BRINP1: variants seen among roughly 807,000 people sequenced by gnomAD.
BRINP1 encodes BMP/retinoic acid inducible neural specific 1, also known as BMP/retinoic acid-inducible neural-specific protein 1.
A neutral mutation model predicts 72.9 loss-of-function variants in BRINP1; 17 were observed. The ratio of observed to expected loss-of-function variants is 0.23; its 90% CI spans 0.16 to 0.35. The LOEUF is 0.35. Ranked by LOEUF, BRINP1 falls within the 10% of genes least tolerant of loss-of-function variation. The pLI is 1.00. For synonymous variants in BRINP1, 418 were observed against 378.5 expected (o/e 1.10, Z -1.21); for missense variants, 850 against 1,001.6 (o/e 0.85, Z 2.04).
rs370612685 is a variant in BRINP1 at position 119,238,785 on chromosome 9, G to A, written c.580-25C>T. 3.9e-5 allele frequency: 57 copies of A among 1,471,498 alleles called. No homozygotes were observed. In the African/African-American group the frequency reaches 7.8e-4, roughly 20 times the overall value. The allele number at this position is 1,471,498 out of a possible 1,614,324, so 91.2% of individuals were successfully genotyped here. A position where few individuals can be genotyped will look rare whatever the true frequency, so the allele number is the denominator to read the frequency against. ...CCTGCAGTAGATATCAAATAAGATA[G>A]GTGTGAGACAGCAGTCCTTGTCTAG... On this transcript the variant is annotated intron_variant, in intron 4 of 7. Coordinates refer to ENST00000265922, the MANE Select transcript of BRINP1 (RefSeq NM_014618.3).
At chr9:119,244,973 T>C (rs148283842) in intron 3 of BRINP1, among the ~76,000 whole-genome samples, 23 of 152,252 alleles carry the variant, frequency 1.5e-4, no homozygotes, top group African/African-American at 5.5e-4. Flanking sequence ...TGCTCCCAGA[T>C]AGGAGATGAG....
At position 119,338,716 on chromosome 9, in the gene BRINP1, CA is replaced by C. The variant is rs560291604; in HGVS notation, c.-50-25312del. Reference sequence around the variant, plus strand: ...TGAAACCCCATCTCTACTAAAAATACAAAAAAAAAAAAAAAAGAAGAAGAAG... The same window carrying C: ...TGAAACCCCATCTCTACTAAAAATACAAAAAAAAAAAAAAAGAAGAAGAAG... On this transcript the variant is annotated intron_variant, in intron 1 of 7. Coordinates refer to ENST00000265922, the MANE Select transcript of BRINP1 (RefSeq NM_014618.3). Among the ~76,000 whole-genome samples, 477 of 108,492 alleles carry C rather than the reference CA, an allele frequency of 4.4e-3. 1 individual carries two copies. Among genetic ancestry groups the C allele is most frequent in the Middle Eastern group, 0.022 (4 of 184 alleles). The allele number at this position is 108,492 out of a possible 152,430, so 71.2% of individuals were successfully genotyped here.
chr9:119,190,185 G>A (rs531153350), intron 7 of BRINP1, among the ~76,000 whole-genome samples: 1 of 151,838 alleles, frequency 6.6e-6, no homozygotes, highest in South Asian at 2.1e-4. Flanking sequence ...TTATCAGAGG[G>A]AGGCTTACAG....
intron 2 of BRINP1, among the ~76,000 whole-genome samples, chr9:119,250,107 AAGG>A (rs1830369736): frequency 2.5e-5 from 2 of 81,192 alleles, no homozygotes; most frequent in Non-Finnish European, 5.7e-5. Flanking sequence ...GAAGAAAAGG[AAGG>A]AGGGAGGGAG....
intron 2 of BRINP1, among the ~76,000 whole-genome samples, chr9:119,249,853 A>G (rs918483064): frequency 6.0e-5 from 3 of 49,934 alleles, no homozygotes; most frequent in Non-Finnish European, 1.0e-4. Flanking sequence ...GAAGGAAGGA[A>G]GGGAGGGAGG....
chr9:119,312,880 G>A (rs1012110106), intron 2 of BRINP1, among the ~76,000 whole-genome samples: 10 of 152,164 alleles, frequency 6.6e-5, no homozygotes, highest in African/African-American at 2.4e-4. Context: ...GTTTAAATGA[G>A]ATAATATATA....
intron 2 of BRINP1, among the ~76,000 whole-genome samples, chr9:119,272,768 C>CT (rs1424627835): frequency 3.9e-5 from 6 of 152,210 alleles, no homozygotes; most frequent in Admixed American, 3.9e-4. Context: ...ATCGCAGAGA[C>CT]TGACACTTTT....
At chr9:119,320,652 A>G (rs1484488117) in intron 1 of BRINP1, among the ~76,000 whole-genome samples, 3 of 152,188 alleles carry the variant, frequency 2.0e-5, no homozygotes, top group Admixed American at 1.3e-4. Context: ...AGACCTAAAG[A>G]AAGTAAAGAG....
intron 7 of BRINP1, among the ~76,000 whole-genome samples, chr9:119,189,741 GT>G (rs1415446369): frequency 1.3e-5 from 2 of 151,970 alleles, no homozygotes; most frequent in Non-Finnish European, 2.9e-5. Context: ...TTAACACCCT[GT>G]TTTCAACAAT....
At chr9:119,171,242 A>T (rs1266772028) in intron 7 of BRINP1, among the ~76,000 whole-genome samples, 1 of 147,612 alleles carries the variant, frequency 6.8e-6, no homozygotes, top group Non-Finnish European at 1.5e-5. Context: ...AACCCATCTC[A>T]TGTGCAGAGA....
intron 7 of BRINP1, among the ~76,000 whole-genome samples, chr9:119,173,527 G>T (rs1337227092): frequency 2.0e-5 from 3 of 152,166 alleles, no homozygotes; most frequent in Non-Finnish European, 2.9e-5. Flanking sequence ...TGGGTAGGAA[G>T]AATCAATATC....
chr9:119,283,296 G>A (rs893672419), intron 2 of BRINP1: 2 of 540,664 alleles, frequency 3.7e-6, no homozygotes, highest in East Asian at 1.5e-4. Flanking sequence ...CTCCAGCCCT[G>A]CCCCAGACAG....
intron 1 of BRINP1, among the ~76,000 whole-genome samples, chr9:119,363,042 T>C (rs185112810): frequency 1.2e-3 from 177 of 152,334 alleles, no homozygotes; most frequent in Middle Eastern, 6.8e-3. Flanking sequence ...CACTGGCAGG[T>C]AGTCCATCTC....
chr9:119,263,598 A>ATTTTTTT (rs1554752039), intron 2 of BRINP1, among the ~76,000 whole-genome samples: 1 of 51,724 alleles, frequency 1.9e-5, no homozygotes, highest in African/African-American at 6.0e-5. Context: ...CCAGTAAACA[A>ATTTTTTT]TTCTTTTTTT....
intron 7 of BRINP1, among the ~76,000 whole-genome samples, chr9:119,173,659 A>G (rs1402665608): frequency 6.8e-6 from 1 of 146,038 alleles, no homozygotes; most frequent in Non-Finnish European, 1.5e-5. Flanking sequence ...TTCATATGGA[A>G]CCAAAAAAGA....
chr9:119,214,617 C>T (rs2118877968), intron 5 of BRINP1, among the ~76,000 whole-genome samples: 1 of 151,404 alleles, frequency 6.6e-6, no homozygotes, highest in East Asian at 1.9e-4. Flanking sequence ...AATCCTTGCC[C>T]TTGGGGAGTT....
chr9:119,283,240 T>TTCAGCTGCC (rs1554753286), intron 2 of BRINP1: 118 of 940,738 alleles, frequency 1.3e-4, no homozygotes, highest in Non-Finnish European at 1.4e-4. Flanking sequence ...GAACTGCAGC[T>TTCAGCTGCC]TCAGCTGCCT....
chr9:119,369,005 C>T (rs1328693971), intron 1 of BRINP1, 51 bp downstream of exon 1: 10 of 392,972 alleles, frequency 2.5e-5, no homozygotes, highest in Non-Finnish European at 4.0e-5. Context: ...GGCCCGGGGC[C>T]GGGTCCAAGG....
intron 1 of BRINP1, among the ~76,000 whole-genome samples, chr9:119,364,180 T>C (rs564681785): frequency 6.6e-6 from 1 of 152,254 alleles, no homozygotes; most frequent in East Asian, 1.9e-4. Context: ...AAAACTGTTG[T>C]GAAATAATTA....
Sources: gnomAD v4.1 joint callset for allele counts (sites outside exome capture counted in the v4.1 genomes callset) on GRCh38, gnomAD v4.1.1 for gene constraint, MANE v1.5 for transcripts, NCBI Gene and HGNC (gene_info 2026-07-23, HGNC 2026-07-21) for gene names.